The following PBX3 variants were observed in gnomAD, a reference collection of about 807,000 sequenced individuals.
The protein encoded by PBX3 is PBX homeobox 3.
A neutral mutation model predicts 48.5 loss-of-function variants in PBX3; 14 were observed. The observed-to-expected ratio is 0.29, with a 90% CI of 0.19 to 0.45. PBX3 has a LOEUF of 0.45. PBX3 is among the 20% of genes least tolerant of loss of function. PBX3 has a pLI of 1.00. For synonymous variants in PBX3, 210 were observed against 200.3 expected, an observed-to-expected ratio of 1.05 and a Z score of -0.41; for missense variants, 386 against 546.7, an observed-to-expected ratio of 0.71 and a Z score of 2.93.
chr9:125,908,704 T>A (rs1256381339), intron 2 of PBX3, among the ~76,000 whole-genome samples: 1 of 152,068 alleles, frequency 6.6e-6, no homozygotes, highest in African/African-American at 2.4e-5. Flanking sequence ...TTTAATTCTT[T>A]CCCCCGACTT....
At chr9:125,747,679 T>G (rs1276554285) in intron 1 of PBX3, 26 bp downstream of exon 1, 19 of 1,536,586 alleles carry the variant, frequency 1.2e-5, no homozygotes, top group Non-Finnish European at 1.7e-5. Flanking sequence ...TTAAGCATCT[T>G]TTGTGTGTGT....
chr9:125,777,654 A>G (rs779708897), intron 2 of PBX3, among the ~76,000 whole-genome samples: 7 of 151,854 alleles, frequency 4.6e-5, no homozygotes, highest in Non-Finnish European at 7.4e-5. Flanking sequence ...GTGAGCCACC[A>G]CGCCCAGCCT....
At chr9:125,783,062 T>C (rs1467032632) in intron 2 of PBX3, among the ~76,000 whole-genome samples, 3 of 152,186 alleles carry the variant, frequency 2.0e-5, no homozygotes, top group Admixed American at 6.5e-5. Context: ...TTATTGAACC[T>C]TTTGGATGTA....
chr9:125,897,139 TG>T (rs1174833202), intron 2 of PBX3, among the ~76,000 whole-genome samples: 13 of 116,670 alleles, frequency 1.1e-4, no homozygotes, highest in Admixed American at 5.2e-4. Flanking sequence ...TATTCATTTG[TG>T]GTTTTTTTTT....
chr9:125,920,068 A>C (rs1406222744), intron 3 of PBX3, among the ~76,000 whole-genome samples: 1 of 152,226 alleles, frequency 6.6e-6, no homozygotes, highest in African/African-American at 2.4e-5. Context: ...GATGTATATT[A>C]GGGTAAGGTT....
At chr9:125,815,500 C>T (rs986563811) in intron 2 of PBX3, among the ~76,000 whole-genome samples, 35 of 152,142 alleles carry the variant, frequency 2.3e-4, no homozygotes, top group African/African-American at 8.0e-4. Flanking sequence ...GTAGGTTCCT[C>T]GTATAACATA....
intron 3 of PBX3, among the ~76,000 whole-genome samples, chr9:125,919,028 G>A (rs747439332): frequency 6.6e-5 from 10 of 152,028 alleles, no homozygotes; most frequent in Non-Finnish European, 7.4e-5. Flanking sequence ...GTCCAATGTC[G>A]CACATCTAGT....
chr9:125,775,903 T>G (rs1341641630), intron 2 of PBX3, among the ~76,000 whole-genome samples: 1 of 152,228 alleles, frequency 6.6e-6, no homozygotes, highest in African/African-American at 2.4e-5. Flanking sequence ...TTAATTTCTT[T>G]CAGCAATGTC....
At chr9:125,804,293 G>A (rs1489393794) in intron 2 of PBX3, among the ~76,000 whole-genome samples, 2 of 152,124 alleles carry the variant, frequency 1.3e-5, no homozygotes, top group African/African-American at 2.4e-5. Flanking sequence ...TTCAAAGTTG[G>A]AAGAAATCTT....
At chr9:125,909,666 C>T (rs1841158139) in intron 2 of PBX3, among the ~76,000 whole-genome samples, 1 of 152,104 alleles carries the variant, frequency 6.6e-6, no homozygotes, top group South Asian at 2.1e-4. Flanking sequence ...GAAGAAACGT[C>T]AGAGTCATAG....
intron 2 of PBX3, among the ~76,000 whole-genome samples, chr9:125,842,426 T>G (rs1839313044): frequency 6.6e-6 from 1 of 152,196 alleles, no homozygotes; most frequent in Admixed American, 6.6e-5. Flanking sequence ...TTCCATTCAG[T>G]CTTTTTCAGC....
chr9:125,827,856 A>G (rs1485672551), intron 2 of PBX3, among the ~76,000 whole-genome samples: 8 of 152,198 alleles, frequency 5.3e-5, no homozygotes. Context: ...TTTATAGAGT[A>G]TGTGTATATC....
intron 2 of PBX3, among the ~76,000 whole-genome samples, chr9:125,815,667 T>C (rs1479044814): frequency 6.7e-6 from 1 of 149,294 alleles, no homozygotes; most frequent in Non-Finnish European, 1.5e-5. Flanking sequence ...ACTTCTCCTT[T>C]GGGCAAATGT....
Position 125,808,897 on chromosome 9 carries a change from T to C in PBX3, c.274+60274T>C, listed in dbSNP as rs115223824. On this transcript the variant is annotated intron_variant, in intron 2 of 8. Coordinates refer to ENST00000373489, the MANE Select transcript of PBX3 (RefSeq NM_006195.6). ...AGCCAACAGCACTGTAACTCATGTC[T>C]TAACGAAGTTTATCTAACACATATT... Among the ~76,000 whole-genome samples, 4 of 152,214 alleles carry C rather than the reference T, an allele frequency of 2.6e-5. No individual in the cohort carries two copies. In the South Asian group the frequency reaches 8.3e-4, roughly 32 times the overall value.
At chr9:125,766,553 A>T (rs927799091) in intron 2 of PBX3, among the ~76,000 whole-genome samples, 18 of 152,218 alleles carry the variant, frequency 1.2e-4, no homozygotes, top group Admixed American at 2.0e-4. Flanking sequence ...AATTAGGATG[A>T]TTTAAGACTT....
At position 125,778,492 on chromosome 9, in the gene PBX3, C is replaced by T. The variant is rs1005760523; in HGVS notation, c.274+29869C>T. ...CAGACTGGTCTTGAACTCCTGACCT[C>T]GTGATCCACCCACCTCAGCCTCCCA... On this transcript the variant is annotated intron_variant, in intron 2 of 8. Coordinates refer to ENST00000373489, the MANE Select transcript of PBX3 (RefSeq NM_006195.6). Among the ~76,000 whole-genome samples the T allele has an allele frequency of 2.0e-5, 3 of 151,430 alleles. No homozygotes were observed. In the South Asian group the frequency reaches 6.3e-4, roughly 32 times the overall value.
intron 2 of PBX3, among the ~76,000 whole-genome samples, chr9:125,807,599 T>C (rs1202618386): frequency 1.3e-5 from 2 of 152,180 alleles, no homozygotes; most frequent in African/African-American, 4.8e-5. Flanking sequence ...TCTAAAAGGC[T>C]AGTATGTAAC....
chr9:125,777,350 C>A (rs191215342), intron 2 of PBX3, among the ~76,000 whole-genome samples: 60 of 145,722 alleles, frequency 4.1e-4, no homozygotes, highest in Non-Finnish European at 7.6e-4. Context: ...TGGTTTAATT[C>A]TTCTTCTTCT....
rs193143001 is a variant in PBX3 at position 125,925,252 on chromosome 9, C to G, written c.517-4403C>G. Reference sequence around the variant, plus strand: ...CATAGCGTTTCCCGAAGAGTTTTTCCTAGCATATTGGTCCACAAGATGCCG... The same window carrying G: ...CATAGCGTTTCCCGAAGAGTTTTTCGTAGCATATTGGTCCACAAGATGCCG... On this transcript the variant is annotated intron_variant, in intron 3 of 8. Transcript: ENST00000373489. Among the ~76,000 whole-genome samples, 535 of 152,164 alleles carry G rather than the reference C, an allele frequency of 3.5e-3. 3 individuals carry two copies. The highest frequency in any genetic ancestry group is 0.012 in the African/African-American group (502 of 41,506).
Sources: allele counts gnomAD v4.1 joint callset (sites outside exome capture counted in the v4.1 genomes callset), GRCh38; gene constraint gnomAD v4.1.1; transcripts MANE v1.5; gene names NCBI Gene and HGNC (gene_info 2026-07-23, HGNC 2026-07-21).